MVP: variants seen among roughly 807,000 people sequenced by gnomAD.
MVP encodes lung resistance-related protein.
A neutral mutation model predicts 83.5 loss-of-function variants in MVP; 62 were observed. That is an observed-to-expected ratio of 0.74 (90% CI 0.61 to 0.92). The LOEUF (loss-of-function observed/expected upper bound fraction) is 0.92, where lower values mean the gene tolerates loss of function less well. Ranked by LOEUF, MVP falls within the 40% of genes least tolerant of loss-of-function variation. The pLI, the probability that MVP is intolerant of heterozygous loss-of-function variation, is 0.00. For synonymous variants in MVP, 505 were observed against 504.1 expected (o/e 1.00, Z -0.02); for missense variants, 1,000 against 1,203.4 (o/e 0.83, Z 2.50).
At position 29,845,900 on chromosome 16, in the gene MVP, C is replaced by T. The variant is rs2067580653; in HGVS notation, c.2059C>T (p.Arg687Trp). 2.5e-6 allele frequency: 4 copies of T among 1,614,036 alleles called. No individual in the cohort carries two copies. The highest frequency in any genetic ancestry group is 3.4e-6 in the Non-Finnish European group (4 of 1,179,970). ...AQRLEQEARG[R>W]LERQKILDQS... ...GAGACTGGAGCAGGAAGCCCGCGGCCGGCTTGAGCGGCAGAAGATCCTGGA... is the reference window on the plus strand; with the variant it reads ...GAGACTGGAGCAGGAAGCCCGCGGCTGGCTTGAGCGGCAGAAGATCCTGGA... The change falls in exon 12 of 15, where the codon CGG becomes TGG. Residue 687 changes from arginine to tryptophan, a missense_variant. Transcript: ENST00000357402.
intron 7 of MVP, among the ~76,000 whole-genome samples, chr16:29,838,297 A>G (rs1464528805): frequency 6.6e-6 from 1 of 152,054 alleles, no homozygotes; most frequent in East Asian, 1.9e-4. Context: ...TTAGCTGGGC[A>G]TGGTGTCAGG....
chr16:29,823,965 G>A (rs1329674571), intron 1 of MVP, among the ~76,000 whole-genome samples: 5 of 151,978 alleles, frequency 3.3e-5, no homozygotes, highest in East Asian at 1.9e-4. Flanking sequence ...AAGGCCTGGC[G>A]CGGCAGATCA....
rs1452916645 is a variant in MVP, at chr16:29,840,399, C to T, written c.1131C>T (p.Arg377=). The part of the protein sequence containing the change: ...PSAKVEVVEE[R]QAIPLDENEG... ...CCAAAGTGGAGGTGGTGGAGGAGCG[C>T]CAGGCCATCCCTCTAGACGAGAACG... is the stretch of plus-strand genomic sequence containing the variant. Residue 377 remains arginine (R), a synonymous_variant, in exon 8 of 15, where the codon CGC becomes CGT. Coordinates refer to ENST00000357402, the MANE Select transcript of MVP (RefSeq NM_005115.5). The T allele has an allele frequency of 9.4e-6, 15 of 1,591,510 alleles. No homozygotes were observed. Among genetic ancestry groups the T allele is most frequent in the Non-Finnish European group, 1.2e-5 (14 of 1,169,884 alleles).
At chr16:29,835,480 CAAAAAAAAAAA>C (rs59649743) in intron 5 of MVP, 3 of 72,954 alleles carry the variant, frequency 4.1e-5, no homozygotes, top group Non-Finnish European at 4.8e-5. Context: ...GACTCCGTCT[CAAAAAAAAAAA>C]AAAAAAAAAA....
intron 3 of MVP, chr16:29,833,406 C>T (rs868068773): frequency 4.0e-5 from 11 of 276,448 alleles, no homozygotes; most frequent in South Asian, 1.1e-4. Context: ...AAGTGATCCT[C>T]CCACCTCAGC....
chr16:29,823,658 C>A (rs2067381836), intron 1 of MVP, among the ~76,000 whole-genome samples: 6 of 151,796 alleles, frequency 4.0e-5, no homozygotes, highest in Admixed American at 3.3e-4. Context: ...TCAAGACCAT[C>A]CTGGCTAACA....
intron 1 of MVP, chr16:29,821,374 G>C (rs576877456): frequency 7.9e-5 from 12 of 152,358 alleles, no homozygotes; most frequent in Admixed American, 3.3e-4. Context: ...ACAGCCCTCT[G>C]TATGTAGCCT....
At chr16:29,835,502 AAAAC>A in intron 5 of MVP, 198 bp from the exon 6 acceptor site, 2 of 342,254 alleles carry the variant, frequency 5.8e-6, no homozygotes, top group African/African-American at 2.1e-5. Context: ...AAAAAAAAAA[AAAAC>A]TTTTAAAATT....
intron 8 of MVP, among the ~76,000 whole-genome samples, chr16:29,840,663 C>T (rs988444616): frequency 6.6e-6 from 1 of 152,156 alleles, no homozygotes; most frequent in African/African-American, 2.4e-5. Flanking sequence ...TAGAACCAAC[C>T]AGGTGCGGTA....
At chr16:29,824,054 A>G (rs1390054178) in intron 1 of MVP, among the ~76,000 whole-genome samples, 1 of 151,542 alleles carries the variant, frequency 6.6e-6, no homozygotes, top group Non-Finnish European at 1.5e-5. Context: ...AACCCTGTCC[A>G]CTAAAAACAA....
chr16:29,821,036 C>T (rs1005353665), intron 1 of MVP: 1 of 152,254 alleles, frequency 6.6e-6, no homozygotes. Context: ...TTCAGGAAGT[C>T]ATTAGCAGAG....
chr16:29,824,884 C>G (rs1399180929), intron 1 of MVP, among the ~76,000 whole-genome samples: 2 of 151,782 alleles, frequency 1.3e-5, no homozygotes, highest in Non-Finnish European at 2.9e-5. Context: ...AGCCAAGAGT[C>G]TGATCCGGTC....
rs1444677208 is a variant in MVP at position 29,840,248 on chromosome 16, C to T, written c.980C>T (p.Ser327Leu). Residue 327 changes from serine to leucine, a missense_variant, in exon 8 of 15, where the codon TCG (serine) becomes TTG (leucine). Ser to Leu is a moderately radical substitution (Grantham distance 145). Transcript: ENST00000357402. ...EQGIQDVYVL[S>L]EQQGLLLRAL... ...GGCATCCAGGATGTGTATGTGCTGT[C>T]GGAGCAGCAGGGGCTGCTGCTGAGG... 23 of 1,613,842 alleles carry T rather than the reference C, an allele frequency of 1.4e-5. No individual in the cohort carries two copies. Among genetic ancestry groups the T allele is most frequent in the South Asian group, 4.4e-5 (4 of 91,076 alleles).
intron 3 of MVP, among the ~76,000 whole-genome samples, chr16:29,833,047 AGAGC>A: frequency 6.6e-6 from 1 of 151,392 alleles, no homozygotes. Flanking sequence ...CCTGGGTGAC[AGAGC>A]AAGACTCTGT....
At chr16:29,833,444 G>A in intron 3 of MVP, 3 of 322,388 alleles carry the variant, frequency 9.3e-6, no homozygotes, top group Non-Finnish European at 1.8e-5. Context: ...CTACAGGTGT[G>A]CGCCGCCACC....
Position 29,841,458 on chromosome 16 carries a change from G to A in MVP, c.1192-138G>A, listed in dbSNP as rs2067533780. On this transcript the variant is annotated intron_variant, in intron 8 of 14. Coordinates refer to ENST00000357402, the MANE Select transcript of MVP (RefSeq NM_005115.5). The surrounding 1 kb of genome is among the most constrained non-coding windows in gnomAD (Gnocchi z 4.7). ...GGCCAGCAGATGGCAAACCCGGGGT[G>A]GAGCCTGGCCTCCCCGTAGAGAAGG... 1 of 1,187,628 alleles carries A rather than the reference G, an allele frequency of 8.4e-7. No homozygotes were observed. 73.6% of individuals were successfully genotyped at this position (1,187,628 alleles called of 1,614,324 possible).
chr16:29,846,639 C>A (rs1208892943), intron 13 of MVP, among the ~76,000 whole-genome samples: 17 of 152,126 alleles, frequency 1.1e-4, no homozygotes, highest in Non-Finnish European at 2.5e-4. Flanking sequence ...GGGTGGATCA[C>A]CTGAGGTCAG....
At chr16:29,836,980 A>G in intron 7 of MVP, 22 bp downstream of exon 7, 1 of 1,592,322 alleles carries the variant, frequency 6.3e-7, no homozygotes, top group Non-Finnish European at 8.6e-7. Context: ...ACACCCCCAC[A>G]GAGGACTGCC....
At chr16:29,828,321 G>T (rs193274464) in intron 1 of MVP, among the ~76,000 whole-genome samples, 3 of 152,154 alleles carry the variant, frequency 2.0e-5, no homozygotes, top group Non-Finnish European at 2.9e-5. Context: ...AGACAGCACA[G>T]ATTTAGAATA....
Sources: allele counts gnomAD v4.1 joint callset (sites outside exome capture counted in the v4.1 genomes callset), GRCh38; gene constraint gnomAD v4.1.1; non-coding constraint Gnocchi (gnomAD v3.1); transcripts MANE v1.5; gene names NCBI Gene and HGNC (gene_info 2026-07-23, HGNC 2026-07-21).